PIKFYVE: variants seen among roughly 807,000 people sequenced by gnomAD.
The protein encoded by PIKFYVE is 1-phosphatidylinositol 3-phosphate 5-kinase.
Under a neutral mutation model 257.9 loss-of-function variants are expected in PIKFYVE, and 122 were observed. That is an observed-to-expected ratio of 0.47 (90% CI 0.41 to 0.55). PIKFYVE has a LOEUF of 0.55. PIKFYVE is among the 20% of genes least tolerant of loss of function. PIKFYVE has a pLI of 0.00. For missense variants in PIKFYVE, 2,160 were observed against 2,536.6 expected (o/e 0.85, Z 3.19); for synonymous variants, 892 against 868.9 (o/e 1.03, Z -0.47).
At position 208,328,168 on chromosome 2, in the gene PIKFYVE, C is replaced by T. The variant is rs1697146272; in HGVS notation, c.3619-12C>T. ...CAGTCACTTGCTCATCCATTCATTC[C>T]TTCTATTTCAGGTGGACTGTCTGAA... On this transcript the variant is annotated splice_polypyrimidine_tract_variant and intron_variant, in intron 20 of 41. Transcript: ENST00000264380. 6.2e-7 allele frequency: 1 copy of T among 1,613,486 alleles called. No individual in the cohort carries two copies. The highest frequency in any genetic ancestry group is 8.5e-7 in the Non-Finnish European group (1 of 1,179,690).
intron 7 of PIKFYVE, among the ~76,000 whole-genome samples, chr2:208,290,732 C>T (rs1397677722): frequency 1.3e-5 from 2 of 152,264 alleles, no homozygotes; most frequent in Non-Finnish European, 2.9e-5. Context: ...GCATTCCTAC[C>T]AGCAATGAAT....
chr2:208,325,241 C>CT (rs1419578692), intron 19 of PIKFYVE, 29 bp from the exon 20 acceptor site: 1 of 1,606,666 alleles, frequency 6.2e-7, no homozygotes, highest in Non-Finnish European at 8.5e-7. Flanking sequence ...CCTCCACCAT[C>CT]TTAACTTTCT....
intron 7 of PIKFYVE, among the ~76,000 whole-genome samples, chr2:208,292,912 G>A (rs1184609231): frequency 7.9e-6 from 1 of 126,918 alleles, no homozygotes; most frequent in Non-Finnish European, 1.8e-5. Flanking sequence ...GACATTTAAG[G>A]TGATTACTGA....
rs144399707 is a variant in PIKFYVE at position 208,325,248 on chromosome 2, TTC to T, written c.2459-20_2459-19del. 3.5e-3 allele frequency: 5,580 copies of T among 1,610,338 alleles called. 150 individuals are homozygous for T. In the African/African-American group the frequency reaches 0.064, roughly 18 times the overall value. On this transcript the variant is annotated intron_variant, in intron 19 of 41. Coordinates refer to ENST00000264380, the MANE Select transcript of PIKFYVE (RefSeq NM_015040.4). Reference sequence around the variant, plus strand: ...GATTGCCACCTCCACCATCTTAACTTTCTGTTTGTTTTTGTTTGTAGAACAAA... The same window carrying T: ...GATTGCCACCTCCACCATCTTAACTTTGTTTGTTTTTGTTTGTAGAACAAA...
rs1261542395 is a variant in PIKFYVE, at chr2:208,326,590, G to A, written c.3618+161G>A. 3.3e-5 allele frequency among the ~76,000 whole-genome samples: 5 copies of A among 152,324 alleles called. No individual in the cohort carries two copies. In the East Asian group the frequency reaches 7.7e-4, roughly 24 times the overall value. The stretch of plus-strand genomic sequence containing the variant: ...TTTTGTCTTGAGTCTGCTGGCTTAT[G>A]TGTTACTTTAATATGTATGAAGCAG... On this transcript the variant is annotated intron_variant, in intron 20 of 41. Transcript: ENST00000264380.
chr2:208,308,728 A>T (rs1426930736), intron 12 of PIKFYVE, among the ~76,000 whole-genome samples: 1 of 135,902 alleles, frequency 7.4e-6, no homozygotes, highest in South Asian at 2.4e-4. Context: ...TTTTTTTGAG[A>T]CGAAATTTTG....
intron 15 of PIKFYVE, among the ~76,000 whole-genome samples, chr2:208,317,129 A>G (rs1181817230): frequency 6.7e-5 from 10 of 149,470 alleles, no homozygotes; most frequent in Non-Finnish European, 8.9e-5. Context: ...CAAAATTGAC[A>G]AATGGGATCT....
At chr2:208,352,284 C>T (rs1699842298) in intron 38 of PIKFYVE, among the ~76,000 whole-genome samples, 1 of 152,050 alleles carries the variant, frequency 6.6e-6, no homozygotes. Context: ...CATTGAGCAG[C>T]CACCAGTGCC....
At chr2:208,279,421 A>G (rs1690524776) in intron 5 of PIKFYVE, among the ~76,000 whole-genome samples, 2 of 152,060 alleles carry the variant, frequency 1.3e-5, no homozygotes, top group African/African-American at 4.8e-5. Context: ...CCACATGTCA[A>G]TTTTTGTTTT....
chr2:208,279,085 A>G (rs1161345808), intron 5 of PIKFYVE, among the ~76,000 whole-genome samples: 4 of 152,124 alleles, frequency 2.6e-5, no homozygotes, highest in Admixed American at 2.0e-4. Context: ...TGGCTTTTTA[A>G]TAACAGCCAT....
intron 19 of PIKFYVE, 77 bp downstream of exon 19, chr2:208,325,114 A>G (rs1459123996): frequency 6.0e-5 from 96 of 1,596,546 alleles, no homozygotes; most frequent in Non-Finnish European, 7.6e-5. Context: ...TTACTAGGAA[A>G]TACCTATTAA....
intron 33 of PIKFYVE, among the ~76,000 whole-genome samples, chr2:208,345,440 G>A (rs1346058382): frequency 6.6e-6 from 1 of 151,924 alleles, no homozygotes; most frequent in African/African-American, 2.4e-5. Flanking sequence ...CAGATTTAAG[G>A]ACATTTTTGA....
At chr2:208,346,773 T>C (rs1391552230) in intron 34 of PIKFYVE, among the ~76,000 whole-genome samples, 1 of 152,230 alleles carries the variant, frequency 6.6e-6, no homozygotes, top group Non-Finnish European at 1.5e-5. Flanking sequence ...TGGCAGTTGC[T>C]GGCATTTGTT....
In PIKFYVE at chr2:208,356,926, A is replaced by G. The variant is rs1046507081; in HGVS notation, c.*1621A>G. 4.6e-5 allele frequency: 7 copies of G among 152,698 alleles called. No homozygotes were observed. The East Asian group carries it at 1.2e-3, about 25-fold the overall frequency. The allele number at this position is 152,698 out of a possible 1,614,324, so 9.5% of individuals were successfully genotyped here. A position where few individuals can be genotyped will look rare whatever the true frequency, so the allele number is the denominator to read the frequency against. ...ATCTGGACAAGTTCAGTTACACAGT[A>G]TGATGAATACTTGAATTAGGAACAT... On this transcript the variant is annotated 3_prime_UTR_variant, in exon 42 of 42. Transcript: ENST00000264380.
chr2:208,335,540 G>A, intron 25 of PIKFYVE, 121 bp downstream of exon 25: 2 of 889,770 alleles, frequency 2.2e-6, no homozygotes, highest in South Asian at 1.6e-5. Context: ...ATGCATGCTT[G>A]GTGTACAAAA....
rs1699203952 is a variant in PIKFYVE, at chr2:208,346,087, A to G, written c.5149A>G (p.Arg1717Gly). The G allele has an allele frequency of 1.2e-6, 2 of 1,613,358 alleles. No homozygotes were observed. Among genetic ancestry groups the G allele is most frequent in the South Asian group, 2.2e-5 (2 of 91,056 alleles). The change falls in exon 34 of 42, where the codon AGA (arginine) becomes GGA (glycine). Residue 1717 changes from arginine (R) to glycine (G), a missense_variant. This residue lies in a region of PIKFYVE where 699 missense variants were observed against 855.8 expected (regional missense o/e 0.82). Coordinates refer to ENST00000264380, the MANE Select transcript of PIKFYVE (RefSeq NM_015040.4). The stretch of plus-strand genomic sequence containing the variant: ...CAGACCAAAGAGTAGCAGCCCTATC[A>G]GATTACCTGAAATGAGTGGAGGACA... Reference protein sequence around the residue: ...DSRPKSSSPIRLPEMSGGQTN... With the variant: ...DSRPKSSSPIGLPEMSGGQTN...
chr2:208,280,370 A>T (rs892287108), intron 5 of PIKFYVE, among the ~76,000 whole-genome samples: 8 of 152,162 alleles, frequency 5.3e-5, no homozygotes, highest in African/African-American at 1.4e-4. Flanking sequence ...GACTCACTAA[A>T]CTCACAGTGA....
intron 21 of PIKFYVE, among the ~76,000 whole-genome samples, chr2:208,328,660 A>G (rs1258417536): frequency 6.6e-6 from 1 of 152,204 alleles, no homozygotes; most frequent in Non-Finnish European, 1.5e-5. Context: ...TAAACATGAA[A>G]TTCATTTGTG....
chr2:208,299,968 A>C lies in PIKFYVE; in HGVS notation c.1051-969A>C, dbSNP rs1289619205. Among the ~76,000 whole-genome samples the C allele has an allele frequency of 2.0e-5, 3 of 152,110 alleles. No homozygotes were observed. In the East Asian group the frequency reaches 5.8e-4, roughly 29 times the overall value. ...GGGTTTGAGGCTGTAGGGTGCTGTG[A>C]TCATGGCTGTGAATAGCCACTGCAC... On this transcript the variant is annotated intron_variant, in intron 8 of 41. Transcript: ENST00000264380.
Sources: gnomAD v4.1 joint callset for allele counts (sites outside exome capture counted in the v4.1 genomes callset) on GRCh38, gnomAD v4.1.1 for gene constraint, gnomAD v4.1.1 regional missense constraint, MANE v1.5 for transcripts, NCBI Gene and HGNC (gene_info 2026-07-23, HGNC 2026-07-21) for gene names.